Variants in UBR4 observed in about 807,000 individuals in gnomAD.
UBR4 encodes E3 ubiquitin-protein ligase UBR4.
In UBR4, 124 loss-of-function variants were observed where a neutral mutation model predicts 575.6. The observed-to-expected ratio is 0.22, with a 90% confidence interval of 0.19 to 0.25. UBR4 has a LOEUF of 0.25. UBR4 is among the 10% of genes least tolerant of loss of function. The pLI is 1.00. For missense variants in UBR4, 4,818 were observed against 6,478.8 expected (o/e 0.74, Z 8.80); for synonymous variants, 2,455 against 2,473.7 (o/e 0.99, Z 0.22).
chr1:19,204,537 T>A (rs58355265), intron 1 of UBR4, among the ~76,000 whole-genome samples: 10,896 of 140,012 alleles, frequency 0.078, 443 homozygotes, highest in African/African-American at 0.11. Context: ...TAAAAAAAAA[T>A]ATATATATAT....
Position 19,126,635 on chromosome 1 carries a change from A to G in UBR4, c.9249T>C (p.Ser3083=), listed in dbSNP as rs750041197. 1 of 1,613,820 alleles carries G rather than the reference A, an allele frequency of 6.2e-7. No individual in the cohort carries two copies. Among genetic ancestry groups the G allele is most frequent in the East Asian group, 2.2e-5 (1 of 44,886 alleles). ...SICESSSLIS[S]ATAAALLSSG... ...AGCTCAGTAGAGCTGCTGCTGTGGC[A>G]CTGGAGATGAGGGAAGATGACTGGG... is the stretch of plus-strand genomic sequence containing the variant. Residue 3083 remains serine (S), a synonymous_variant, in exon 64 of 106, where the codon AGT becomes AGC. Transcript: ENST00000375254.
chr1:19,101,715 G>C, intron 87 of UBR4, 74 bp from the exon 88 acceptor site: 1 of 1,551,990 alleles, frequency 6.4e-7, no homozygotes, highest in African/African-American at 1.4e-5. Flanking sequence ...TCTAACTGAA[G>C]TACCATCACT....
rs1035963415 is a variant in UBR4 at position 19,088,808 on chromosome 1, C to T, written c.14381G>A (p.Arg4794His). ...CTTCTGCCTCATTGCCATGGCCATG[C>T]GCTTCTTCTCTGCCCGGGTCTCCCT... ...ARRETRAEKK[R>H]MAMAMRQKAL... is the part of the protein sequence containing the mutation. The change falls in exon 98 of 106, where the codon CGC becomes CAC. Residue 4794 changes from arginine to histidine, a missense_variant. Arg to His is a conservative substitution (Grantham distance 29, BLOSUM62 0). Transcript: ENST00000375254. The surrounding 1 kb of genome is among the most constrained non-coding windows in gnomAD (Gnocchi z 4.0). 3.7e-6 allele frequency: 6 copies of T among 1,614,100 alleles called. No individual in the cohort carries two copies. Among genetic ancestry groups the T allele is most frequent in the Non-Finnish European group, 5.1e-6 (6 of 1,180,036 alleles).
Position 19,144,086 on chromosome 1 carries a change from A to T in UBR4, c.8073T>A (p.Pro2691=), listed in dbSNP as rs2150081211. Residue 2691 remains proline, a synonymous_variant, in exon 55 of 106, where the codon CCT becomes CCA. Transcript: ENST00000375254. ...IYMQMLLCPD[P]AVSFSCKQAL... is the part of the protein sequence containing the mutation. ...CTTGTTTACAAGAGAAGCTCACAGC[A>T]GGATCCTGAGGTTTAAAAGGAAACT... is the stretch of plus-strand genomic sequence containing the variant. The T allele has an allele frequency of 6.2e-7, 1 of 1,613,796 alleles. No individual in the cohort carries two copies. The highest frequency in any genetic ancestry group is 1.1e-5 in the South Asian group (1 of 91,080).
At chr1:19,199,035 A>G in intron 3 of UBR4, 107 bp from the exon 4 acceptor site, 1 of 1,338,092 alleles carries the variant, frequency 7.5e-7, no homozygotes, top group Non-Finnish European at 1.0e-6. Flanking sequence ...ATTTAGGTTC[A>G]TATAAACACT....
At chr1:19,127,506 C>A in intron 63 of UBR4, 117 bp downstream of exon 63, 1 of 762,310 alleles carries the variant, frequency 1.3e-6, no homozygotes, top group Non-Finnish European at 2.2e-6. Flanking sequence ...AATCTTACTC[C>A]CCTCAGGGAA....
At position 19,167,955 on chromosome 1, in the gene UBR4, C is replaced by T. The variant is rs957966585; in HGVS notation, c.3899+72G>A. On this transcript the variant is annotated intron_variant, in intron 28 of 105. Transcript: ENST00000375254. ...AAAGCATTACTACATAGTTATAAAACTCTCACTGTCCCTCTTTAACCACAA... is the reference window on the plus strand; with the variant it reads ...AAAGCATTACTACATAGTTATAAAATTCTCACTGTCCCTCTTTAACCACAA... 2.8e-6 allele frequency: 4 copies of T among 1,419,920 alleles called. No individual in the cohort carries two copies. The Admixed American group carries it at 7.3e-5, about 26-fold the overall frequency. The allele number at this position is 1,419,920 out of a possible 1,614,324, so 88.0% of individuals were successfully genotyped here. A position where few individuals can be genotyped will look rare whatever the true frequency, so the allele number is the denominator to read the frequency against.
At chr1:19,195,015 CTT>C (rs1265283402) in intron 8 of UBR4, among the ~76,000 whole-genome samples, 1 of 151,570 alleles carries the variant, frequency 6.6e-6, no homozygotes, top group African/African-American at 2.4e-5. Flanking sequence ...AATCCCAGCA[CTT>C]TAGGAGGCCA....
rs146123455 is a variant in UBR4, at chr1:19,118,126, A to G, written c.10542-216T>C. ...AACTAACTGACCTTAGATGTTTCCT[A>G]ATCTTTGATCTATCCTTCAGAGGAA... On this transcript the variant is annotated intron_variant, in intron 71 of 105. Coordinates refer to ENST00000375254, the MANE Select transcript of UBR4 (RefSeq NM_020765.3). 9.7e-4 allele frequency: 509 copies of G among 523,232 alleles called. 1 individual carries two copies. Among genetic ancestry groups the G allele is most frequent in the African/African-American group, 9.0e-3 (470 of 52,088 alleles). 32.4% of individuals were successfully genotyped at this position (523,232 alleles called of 1,614,324 possible). A position where few individuals can be genotyped will look rare whatever the true frequency, so the allele number is the denominator to read the frequency against.
At chr1:19,146,797 A>G in intron 52 of UBR4, 29 bp downstream of exon 52, 2 of 1,601,746 alleles carry the variant, frequency 1.2e-6, no homozygotes, top group Non-Finnish European at 1.7e-6. Flanking sequence ...AGCAGATCTC[A>G]GGACCACGGC....
At chr1:19,194,657 C>A (rs1307655732) in intron 8 of UBR4, among the ~76,000 whole-genome samples, 1 of 151,838 alleles carries the variant, frequency 6.6e-6, no homozygotes, top group Non-Finnish European at 1.5e-5. Flanking sequence ...CAAAAATTAG[C>A]CAGGCGAAGT....
chr1:19,200,195 C>T lies in UBR4; in HGVS notation c.275-441G>A, dbSNP rs187250749. ...CAGGAGTGTGCAATCTTTTGGCTTCCCTGGGCTACACTGGAAGAATTGTCT... is the reference window on the plus strand; with the variant it reads ...CAGGAGTGTGCAATCTTTTGGCTTCTCTGGGCTACACTGGAAGAATTGTCT... On this transcript the variant is annotated intron_variant, in intron 2 of 105. Transcript: ENST00000375254. 3.9e-5 allele frequency among the ~76,000 whole-genome samples: 6 copies of T among 152,006 alleles called. No individual in the cohort carries two copies. In the East Asian group the frequency reaches 9.7e-4, roughly 24 times the overall value.
intron 58 of UBR4, among the ~76,000 whole-genome samples, chr1:19,140,501 T>C (rs1279822483): frequency 6.6e-6 from 1 of 152,246 alleles, no homozygotes; most frequent in African/African-American, 2.4e-5. Context: ...CGCTGGAAGC[T>C]GAAGTGGAAG....
chr1:19,167,155 C>T lies in UBR4; in HGVS notation c.3976G>A (p.Val1326Ile), dbSNP rs749896519. 4 of 1,614,104 alleles carry T rather than the reference C, an allele frequency of 2.5e-6. No homozygotes were observed. The highest frequency in any genetic ancestry group is 3.4e-6 in the Non-Finnish European group (4 of 1,180,052). The change falls in exon 29 of 106, where the codon GTT becomes ATT. Residue 1326 changes from valine (V) to isoleucine (I), a missense_variant. By Grantham distance (29) the Val-to-Ile change is conservative (BLOSUM62 3). Coordinates refer to ENST00000375254, the MANE Select transcript of UBR4 (RefSeq NM_020765.3). ...AGGGAGTTGCTACTGATCTCGGCAA[C>T]ACTCTCAGTGCTTGATTCCAAAAGA... ...PLLLESSTESVAEISSNSLER... is the reference protein window; with the variant it reads ...PLLLESSTESIAEISSNSLER...
chr1:19,182,449 C>T (rs1247782088), intron 17 of UBR4, among the ~76,000 whole-genome samples: 1 of 152,034 alleles, frequency 6.6e-6, no homozygotes, highest in Non-Finnish European at 1.5e-5. Flanking sequence ...AACTCCTGAG[C>T]TCAAGTGATC....
At chr1:19,086,864 A>C (rs1449686382) in intron 99 of UBR4, 43 bp from the exon 100 acceptor site, 1 of 1,607,432 alleles carries the variant, frequency 6.2e-7, no homozygotes. Context: ...AGAAACTCCA[A>C]GTCAGGCTCA....
chr1:19,113,001 G>C, intron 77 of UBR4, 134 bp from the exon 78 acceptor site: 2 of 887,500 alleles, frequency 2.3e-6, no homozygotes, highest in South Asian at 1.9e-5. Flanking sequence ...AACCCAACTG[G>C]TTAGATGCTT....
chr1:19,145,328 T>G (rs933015442), intron 53 of UBR4, among the ~76,000 whole-genome samples: 1 of 152,198 alleles, frequency 6.6e-6, no homozygotes, highest in Non-Finnish European at 1.5e-5. Context: ...AGCACCAGGA[T>G]CATCCTACTT....
At chr1:19,208,075 T>C (rs1357159107) in intron 1 of UBR4, among the ~76,000 whole-genome samples, 2 of 152,224 alleles carry the variant, frequency 1.3e-5, no homozygotes, top group Non-Finnish European at 2.9e-5. Context: ...GTATTTCTTC[T>C]GGAAATTTTT....
Sources: gnomAD v4.1 joint callset for allele counts (sites outside exome capture counted in the v4.1 genomes callset) on GRCh38, gnomAD v4.1.1 for gene constraint, Gnocchi (gnomAD v3.1) non-coding constraint, MANE v1.5 for transcripts, NCBI Gene and HGNC (gene_info 2026-07-23, HGNC 2026-07-21) for gene names.